TAFA1: variants seen among roughly 807,000 people sequenced by gnomAD.
TAFA1 encodes the protein chemokine-like protein TAFA-1.
TAFA1 carries 4 observed loss-of-function variants against 18.5 expected under a neutral mutation model. The ratio of observed to expected loss-of-function variants is 0.22; its 90% confidence interval spans 0.11 to 0.49. The LOEUF is 0.49. Ranked by LOEUF, TAFA1 falls within the 20% of genes least tolerant of loss-of-function variation. The pLI is 0.98. For missense variants in TAFA1, 147 were observed against 169.0 expected (o/e 0.87, Z 0.72); for synonymous variants, 56 against 55.2 (o/e 1.01, Z -0.06).
At chr3:68,354,102 A>T (rs1289443438) in intron 2 of TAFA1, among the ~76,000 whole-genome samples, 3 of 151,982 alleles carry the variant, frequency 2.0e-5, no homozygotes, top group African/African-American at 7.2e-5. Flanking sequence ...AAAACAAAAC[A>T]AACAACAACA....
chr3:68,535,087 G>A (rs1030543281), intron 3 of TAFA1, among the ~76,000 whole-genome samples: 2 of 152,132 alleles, frequency 1.3e-5, no homozygotes, highest in African/African-American at 4.8e-5. Flanking sequence ...GGTTTAAGTG[G>A]ATAAGCATCA....
rs148007527 is a variant in TAFA1, at chr3:68,320,071, T to C, written c.119-97209T>C. ...TATATGGATATATATAATATTTACA[T>C]TTAACCTTATTCACCATTTGAGGTG... is the stretch of plus-strand genomic sequence containing the variant. On this transcript the variant is annotated intron_variant, in intron 2 of 4. Coordinates refer to ENST00000478136, the MANE Select transcript of TAFA1 (RefSeq NM_213609.4). 5.9e-5 allele frequency among the ~76,000 whole-genome samples: 9 copies of C among 152,334 alleles called. No homozygotes were observed. The East Asian group carries it at 1.4e-3, about 23-fold the overall frequency.
At chr3:68,220,029 T>TA (rs1359705705) in intron 2 of TAFA1, among the ~76,000 whole-genome samples, 4 of 152,206 alleles carry the variant, frequency 2.6e-5, no homozygotes, top group Non-Finnish European at 4.4e-5. Context: ...TTTGAGGTTT[T>TA]AATATGATAA....
intron 3 of TAFA1, among the ~76,000 whole-genome samples, chr3:68,519,979 A>T (rs140693304): frequency 6.6e-6 from 1 of 152,346 alleles, no homozygotes; most frequent in South Asian, 2.1e-4. Context: ...AGATGAAATG[A>T]AAGGAAGTAA....
chr3:68,063,838 C>G (rs897566179), intron 2 of TAFA1, among the ~76,000 whole-genome samples: 1 of 152,132 alleles, frequency 6.6e-6, no homozygotes, highest in Admixed American at 6.5e-5. Flanking sequence ...CACTGGACCA[C>G]TAAAGGAGTC....
chr3:68,330,912 T>G (rs984743017), intron 2 of TAFA1, among the ~76,000 whole-genome samples: 3 of 152,160 alleles, frequency 2.0e-5, no homozygotes, highest in Non-Finnish European at 4.4e-5. Context: ...CATATGTGTT[T>G]TTTTTTCACA....
At chr3:68,358,774 C>A (rs952240333) in intron 2 of TAFA1, among the ~76,000 whole-genome samples, 2 of 151,840 alleles carry the variant, frequency 1.3e-5, no homozygotes, top group Admixed American at 6.6e-5. Flanking sequence ...ATTAGTGATA[C>A]CTTGCTGGTT....
upstream of TAFA1, among the ~76,000 whole-genome samples, chr3:67,999,285 C>CTGTGTG (rs373368779): frequency 0.011 from 53 of 4,726 alleles, no homozygotes; most frequent in African/African-American, 0.016. Context: ...CCCCCCCTCT[C>CTGTGTG]TCTGTGTGTG....
At chr3:68,220,463 A>G (rs1575687801) in intron 2 of TAFA1, among the ~76,000 whole-genome samples, 2 of 151,870 alleles carry the variant, frequency 1.3e-5, no homozygotes, top group East Asian at 2.0e-4. Flanking sequence ...TACAATTAAT[A>G]TGGTCTTATT....
intron 2 of TAFA1, among the ~76,000 whole-genome samples, chr3:68,208,823 C>A (rs933825591): frequency 6.6e-6 from 1 of 151,950 alleles, no homozygotes; most frequent in East Asian, 1.9e-4. Flanking sequence ...TAAGATGCCC[C>A]CAAGGTTCTC....
chr3:68,085,276 G>C (rs1025570946), intron 2 of TAFA1, among the ~76,000 whole-genome samples: 9 of 152,196 alleles, frequency 5.9e-5, no homozygotes, highest in Non-Finnish European at 1.0e-4. Flanking sequence ...ATTAAAGAAA[G>C]CTAACAGTTT....
At chr3:68,301,373 T>A (rs1376833341) in intron 2 of TAFA1, among the ~76,000 whole-genome samples, 1 of 152,224 alleles carries the variant, frequency 6.6e-6, no homozygotes, top group Admixed American at 6.5e-5. Context: ...TAATTCTTTT[T>A]ATAGGTGCAT....
At chr3:68,383,280 G>C (rs371075549) in intron 2 of TAFA1, among the ~76,000 whole-genome samples, 3 of 152,026 alleles carry the variant, frequency 2.0e-5, no homozygotes, top group African/African-American at 7.3e-5. Flanking sequence ...GAGGGGAAAT[G>C]TTCCAGCTTT....
chr3:68,290,676 ATTCTC>A (rs1305855523), intron 2 of TAFA1, among the ~76,000 whole-genome samples: 1 of 152,104 alleles, frequency 6.6e-6, no homozygotes, highest in African/African-American at 2.4e-5. Flanking sequence ...TACTATAGCA[ATTCTC>A]TTCTCTTCAC....
rs1471662411 is a variant in TAFA1 at position 68,033,808 on chromosome 3, A to G, written c.118+27064A>G. On this transcript the variant is annotated intron_variant, in intron 2 of 4. Coordinates refer to ENST00000478136, the MANE Select transcript of TAFA1 (RefSeq NM_213609.4). The stretch of plus-strand genomic sequence containing the variant: ...ATCATTATCTGCTTATAAATGCTGG[A>G]AATACAATTTACAACCTCCTTTGGA... 3.3e-5 allele frequency among the ~76,000 whole-genome samples: 5 copies of G among 152,356 alleles called. No individual in the cohort carries two copies. The South Asian group carries it at 1.0e-3, about 32-fold the overall frequency.
At chr3:68,297,666 T>C (rs1280678930) in intron 2 of TAFA1, among the ~76,000 whole-genome samples, 2 of 152,164 alleles carry the variant, frequency 1.3e-5, no homozygotes, top group Admixed American at 6.5e-5. Flanking sequence ...TTTTTGAAAA[T>C]TATTTAATGA....
At chr3:68,145,296 G>A in intron 2 of TAFA1, 1 of 789,826 alleles carries the variant, frequency 1.3e-6, no homozygotes, top group East Asian at 2.4e-5. Context: ...GCTCATCAGT[G>A]GTCTGAGACA....
Position 68,180,441 on chromosome 3 carries a change from C to T in TAFA1, c.118+173697C>T, listed in dbSNP as rs538292921. Among the ~76,000 whole-genome samples, 15 of 152,244 alleles carry T rather than the reference C, an allele frequency of 9.9e-5. No homozygotes were observed. In the South Asian group the frequency reaches 2.9e-3, roughly 29 times the overall value. On this transcript the variant is annotated intron_variant, in intron 2 of 4. Coordinates refer to ENST00000478136, the MANE Select transcript of TAFA1 (RefSeq NM_213609.4). ...AGCTAGTAACAAGAGGTAAAGGATA[C>T]TGAACGAGAACAGCATCACACCTGC... is the stretch of plus-strand genomic sequence containing the variant.
chr3:68,088,800 G>T (rs1475270497), intron 2 of TAFA1, among the ~76,000 whole-genome samples: 12 of 152,184 alleles, frequency 7.9e-5, no homozygotes, highest in Admixed American at 7.9e-4. Context: ...GTCAAATGCA[G>T]AAGTGGAAAG....
Sources: allele counts gnomAD v4.1 joint callset (sites outside exome capture counted in the v4.1 genomes callset), GRCh38; gene constraint gnomAD v4.1.1; transcripts MANE v1.5; gene names NCBI Gene and HGNC (gene_info 2026-07-23, HGNC 2026-07-21).